KATNIP: variants seen among roughly 807,000 people sequenced by gnomAD.
The protein encoded by KATNIP is katanin-interacting protein.
A neutral mutation model predicts 174.0 loss-of-function variants in KATNIP; 126 were observed. The ratio of observed to expected loss-of-function variants is 0.72; its 90% confidence interval spans 0.63 to 0.84. KATNIP has a LOEUF of 0.84. Ranked by LOEUF, KATNIP falls within the 40% of genes least tolerant of loss-of-function variation. KATNIP has a pLI of 0.00. For missense variants in KATNIP, 1,958 were observed against 2,109.7 expected (o/e 0.93, Z 1.41); for synonymous variants, 810 against 835.7 (o/e 0.97, Z 0.53).
At chr16:27,624,905 C>T (rs572826541) in intron 3 of KATNIP, among the ~76,000 whole-genome samples, 1 of 152,098 alleles carries the variant, frequency 6.6e-6, no homozygotes, top group East Asian at 1.9e-4. Flanking sequence ...GAGTCCAGTG[C>T]GGGGGAAGAA....
intron 6 of KATNIP, among the ~76,000 whole-genome samples, chr16:27,655,191 T>G (rs1268305912): frequency 3.2e-5 from 3 of 93,166 alleles, no homozygotes; most frequent in African/African-American, 1.2e-4. Context: ...TATATATATA[T>G]ATATATATAT....
At chr16:27,582,778 C>T (rs528934213) in intron 2 of KATNIP, among the ~76,000 whole-genome samples, 20 of 152,272 alleles carry the variant, frequency 1.3e-4, no homozygotes, top group East Asian at 5.8e-4. Context: ...TGAATTCATA[C>T]GTGTCAAGTG....
chr16:27,619,054 T>C (rs2076123532), intron 3 of KATNIP, among the ~76,000 whole-genome samples: 1 of 152,238 alleles, frequency 6.6e-6, no homozygotes, highest in African/African-American at 2.4e-5. Context: ...GAAAGAGGCA[T>C]CATTGCCTTG....
chr16:27,583,591 C>A (rs2090776606), intron 2 of KATNIP, among the ~76,000 whole-genome samples: 1 of 152,174 alleles, frequency 6.6e-6, no homozygotes, highest in African/African-American at 2.4e-5. Flanking sequence ...TCAGTCCTGG[C>A]TGCTGTCACT....
intron 2 of KATNIP, among the ~76,000 whole-genome samples, chr16:27,608,008 C>A (rs1567488080): frequency 6.6e-6 from 1 of 152,160 alleles, no homozygotes; most frequent in Non-Finnish European, 1.5e-5. Context: ...GCCCTAGAAA[C>A]CAGCACTGCA....
chr16:27,726,575 C>T (rs2080460647), intron 14 of KATNIP, among the ~76,000 whole-genome samples: 1 of 152,178 alleles, frequency 6.6e-6, no homozygotes, highest in Non-Finnish European at 1.5e-5. Context: ...ATAGACAAGG[C>T]CCTGTCCCCT....
chr16:27,706,876 C>T (rs544515372), intron 12 of KATNIP, among the ~76,000 whole-genome samples: 1 of 152,324 alleles, frequency 6.6e-6, no homozygotes, highest in African/African-American at 2.4e-5. Flanking sequence ...CTCCCAGTCC[C>T]CTGGAGTCAA....
At chr16:27,707,069 C>T (rs1277557647) in intron 12 of KATNIP, among the ~76,000 whole-genome samples, 1 of 152,216 alleles carries the variant, frequency 6.6e-6, no homozygotes, top group Non-Finnish European at 1.5e-5. Context: ...TCTCCCTCCT[C>T]CCTATCCGCG....
intron 5 of KATNIP, among the ~76,000 whole-genome samples, chr16:27,641,791 C>T (rs2076807356): frequency 6.6e-6 from 1 of 152,212 alleles, no homozygotes; most frequent in African/African-American, 2.4e-5. Context: ...CAGGAGATAC[C>T]AATGCTGCTG....
intron 5 of KATNIP, among the ~76,000 whole-genome samples, chr16:27,646,524 G>A (rs1212381523): frequency 6.6e-6 from 1 of 152,168 alleles, no homozygotes; most frequent in Non-Finnish European, 1.5e-5. Flanking sequence ...GGGCCCCAGA[G>A]GAAAACAAGG....
chr16:27,739,735 G>C (rs1234099010), intron 14 of KATNIP, among the ~76,000 whole-genome samples: 1 of 152,190 alleles, frequency 6.6e-6, no homozygotes, highest in African/African-American at 2.4e-5. Context: ...AGTTAAAGTA[G>C]CAAGAGACAG....
chr16:27,773,226 A>G lies in KATNIP; in HGVS notation c.4309+17A>G, dbSNP rs752269693. 1 of 1,539,540 alleles carries G rather than the reference A, an allele frequency of 6.5e-7. No individual in the cohort carries two copies. The highest frequency in any genetic ancestry group is 1.1e-5 in the South Asian group (1 of 87,132). On this transcript the variant is annotated intron_variant, in intron 23 of 27. Transcript: ENST00000261588. Reference sequence around the variant, plus strand: ...CGGAAAACAGTATCCTTTGTAGGACAGGAGTGGGCTCCACCCAGACTGAAG... The same window carrying G: ...CGGAAAACAGTATCCTTTGTAGGACGGGAGTGGGCTCCACCCAGACTGAAG...
chr16:27,648,818 T>C, intron 6 of KATNIP, 83 bp downstream of exon 6: 2 of 1,450,110 alleles, frequency 1.4e-6, no homozygotes, highest in East Asian at 4.9e-5. Context: ...GGGCACTTTC[T>C]GACAGTTATT....
chr16:27,667,419 G>A (rs16952081), intron 6 of KATNIP, among the ~76,000 whole-genome samples: 3,336 of 152,270 alleles, frequency 0.022, 138 homozygotes, highest in African/African-American at 0.076. Flanking sequence ...GGTCCAGGCA[G>A]ATTAATAATA....
intron 12 of KATNIP, among the ~76,000 whole-genome samples, chr16:27,707,559 C>T (rs1300169681): frequency 6.6e-6 from 1 of 152,246 alleles, no homozygotes; most frequent in Non-Finnish European, 1.5e-5. Flanking sequence ...ATGTCCTCTT[C>T]CCCAACCAGG....
rs1330865569 is a variant in KATNIP, at chr16:27,777,902, T to A, written c.4734T>A (p.Asp1578Glu). 1.2e-6 allele frequency: 2 copies of A among 1,614,110 alleles called. No homozygotes were observed. Among genetic ancestry groups the A allele is most frequent in the Non-Finnish European group, 8.5e-7 (1 of 1,180,028 alleles). The change falls in exon 27 of 28, where the codon GAT (aspartate) becomes GAA (glutamate). Residue 1578 changes from aspartate to glutamate, a missense_variant. Coordinates refer to ENST00000261588, the MANE Select transcript of KATNIP (RefSeq NM_015202.5). The surrounding 1 kb of genome is among the most constrained non-coding windows in gnomAD (Gnocchi z 4.4). ...TCAGTAATCAGGCCGAGGATCAAGA[T>A]GTCCAGATGATGAATGAAAACCAAA... ...TTISNQAEDQ[D>E]VQMMNENQII...
rs956538422 is a variant in KATNIP, at chr16:27,637,534, C to G, written c.408+6372C>G. 6.6e-6 allele frequency among the ~76,000 whole-genome samples: 1 copy of G among 152,160 alleles called. No individual in the cohort carries two copies. The highest frequency in any genetic ancestry group is 2.4e-5 in the African/African-American group (1 of 41,436). On this transcript the variant is annotated intron_variant, in intron 5 of 27. Transcript: ENST00000261588. The surrounding 1 kb of genome is among the most constrained non-coding windows in gnomAD (Gnocchi z 4.7). ...CTTCAGCGAAGGTGGGCAGCACAGC[C>G]TCCCAAGGGGCCGCATCGCAGCCAG...
chr16:27,559,126 T>C (rs1383091137), intron 1 of KATNIP, among the ~76,000 whole-genome samples: 1 of 152,210 alleles, frequency 6.6e-6, no homozygotes, highest in African/African-American at 2.4e-5. Flanking sequence ...CAGAGCAATG[T>C]GGTTGGTTGC....
intron 11 of KATNIP, among the ~76,000 whole-genome samples, chr16:27,702,582 A>G (rs978216523): frequency 6.6e-6 from 1 of 152,174 alleles, no homozygotes; most frequent in African/African-American, 2.4e-5. Context: ...AGAGGCGAGA[A>G]GGGGCTGAAA....
Sources: allele counts gnomAD v4.1 joint callset (sites outside exome capture counted in the v4.1 genomes callset), GRCh38; gene constraint gnomAD v4.1.1; non-coding constraint Gnocchi (gnomAD v3.1); transcripts MANE v1.5; gene names NCBI Gene and HGNC (gene_info 2026-07-23, HGNC 2026-07-21).